MON1B: variants seen among roughly 807,000 people sequenced by gnomAD.
The protein encoded by MON1B is vacuolar fusion protein MON1 homolog B.
Under a neutral mutation model 45.1 loss-of-function variants are expected in MON1B, and 26 were observed. The ratio of observed to expected loss-of-function variants is 0.58; its 90% confidence interval spans 0.42 to 0.80. The LOEUF (loss-of-function observed/expected upper bound fraction) is 0.80. Ranked by LOEUF, MON1B falls within the 30% of genes least tolerant of loss-of-function variation. The pLI, the probability that MON1B is intolerant of heterozygous loss-of-function variation, is 0.00. For synonymous variants in MON1B, 395 were observed against 320.2 expected (o/e 1.23, Z -2.49); for missense variants, 737 against 754.5 (o/e 0.98, Z 0.27).
At position 77,201,393 on chromosome 16, in the gene MON1B, A is replaced by T. The variant is rs1210228380; in HGVS notation, c.*3085A>T. On this transcript the variant is annotated 3_prime_UTR_variant, in exon 6 of 6. Coordinates refer to ENST00000248248, the MANE Select transcript of MON1B (RefSeq NM_014940.4). ...TGACTAACTTCACCAGCAAAGGAAA[A>T]ATTGAAGGATGTATCAAGTTGCCAT... The T allele has an allele frequency of 3.3e-5, 5 of 152,224 alleles. No individual in the cohort carries two copies. Among genetic ancestry groups the T allele is most frequent in the Non-Finnish European group, 5.9e-5 (4 of 68,032 alleles). The allele number at this position is 152,224 out of a possible 1,614,324, so 9.4% of individuals were successfully genotyped here.
Position 77,199,371 on chromosome 16 carries a change from C to A in MON1B, c.*1063C>A. 1 of 1,425,584 alleles carries A rather than the reference C, an allele frequency of 7.0e-7. No individual in the cohort carries two copies. Among genetic ancestry groups the A allele is most frequent in the Non-Finnish European group, 9.6e-7 (1 of 1,037,892 alleles). The allele number at this position is 1,425,584 out of a possible 1,614,324, so 88.3% of individuals were successfully genotyped here. On this transcript the variant is annotated 3_prime_UTR_variant, in exon 6 of 6. Coordinates refer to ENST00000248248, the MANE Select transcript of MON1B (RefSeq NM_014940.4). ...TAACCGCGGGTTGCACGCATGCGTGCTGAAAAGCCTTTCACCCTCACGTGG... is the reference window on the plus strand; with the variant it reads ...TAACCGCGGGTTGCACGCATGCGTGATGAAAAGCCTTTCACCCTCACGTGG...
Position 77,194,242 on chromosome 16 carries a change from T to G in MON1B, c.476-93T>G. 8.8e-7 allele frequency: 1 copy of G among 1,135,252 alleles called. No individual in the cohort carries two copies. Among genetic ancestry groups the G allele is most frequent in the Non-Finnish European group, 1.3e-6 (1 of 757,964 alleles). 70.3% of individuals were successfully genotyped at this position (1,135,252 alleles called of 1,614,324 possible). A position where few individuals can be genotyped will look rare whatever the true frequency, so the allele number is the denominator to read the frequency against. ...AGCATGTGGACTCGGGCCTGGTGTG[T>G]GTATGGTAGGAGAGGGCAGAAGAGC... On this transcript the variant is annotated intron_variant, in intron 3 of 5. Transcript: ENST00000248248. This position sits in a 1 kb window ranked among gnomAD's most constrained non-coding sequence, Gnocchi z 8.1.
Position 77,193,832 on chromosome 16 carries a change from C to T in MON1B, c.475+55C>T, listed in dbSNP as rs1301124498. ...GGACAGTGACTGGGAATATGGCTGG[C>T]ACGGGTAGGTCTGTCTGCCTCAGGC... On this transcript the variant is annotated intron_variant, in intron 3 of 5. Coordinates refer to ENST00000248248, the MANE Select transcript of MON1B (RefSeq NM_014940.4). The surrounding 1 kb of genome is among the most constrained non-coding windows in gnomAD (Gnocchi z 5.0). 2.6e-6 allele frequency: 4 copies of T among 1,538,652 alleles called. No individual in the cohort carries two copies. The highest frequency in any genetic ancestry group is 2.7e-5 in the African/African-American group (2 of 73,940).
intron 4 of MON1B, 145 bp from the exon 5 acceptor site, chr16:77,195,390 A>T: frequency 8.6e-7 from 1 of 1,166,510 alleles, no homozygotes; most frequent in Non-Finnish European, 1.2e-6. Flanking sequence ...AGGGAAGGTC[A>T]GCCTCCAACC....
At chr16:77,191,352 T>C in intron 1 of MON1B, 94 bp downstream of exon 1, 1 of 1,564,764 alleles carries the variant, frequency 6.4e-7, no homozygotes, top group Admixed American at 1.8e-5. Flanking sequence ...ATTTTGGATG[T>C]CTCGTCCTAT....
At position 77,193,222 on chromosome 16, in the gene MON1B, T is replaced by A. The variant is rs1291516706; in HGVS notation, c.149-229T>A. The stretch of plus-strand genomic sequence containing the variant: ...GTCCAGTGGAATAACAATGAGAATA[T>A]GTTGGTTTATTAGGGTTTTAGGAAG... On this transcript the variant is annotated intron_variant, in intron 2 of 5. Coordinates refer to ENST00000248248, the MANE Select transcript of MON1B (RefSeq NM_014940.4). The surrounding 1 kb of genome is among the most constrained non-coding windows in gnomAD (Gnocchi z 5.0). Among the ~76,000 whole-genome samples, 3 of 152,146 alleles carry A rather than the reference T, an allele frequency of 2.0e-5. No individual in the cohort carries two copies. The highest frequency in any genetic ancestry group is 3.9e-4 in the East Asian group (2 of 5,180).
In MON1B at chr16:77,195,660, A is replaced by G. The variant is rs1398998188; in HGVS notation, c.1421A>G (p.Glu474Gly). ...CTGCGCCTCATTTACCACGTGGCTGAGAAGGAGACACTACTGGCCTGGGTA... is the reference window on the plus strand; with the variant it reads ...CTGCGCCTCATTTACCACGTGGCTGGGAAGGAGACACTACTGGCCTGGGTA... The part of the protein sequence containing the change: ...RPLRLIYHVA[E>G]KETLLAWVTS... Residue 474 changes from glutamate (E) to glycine (G), a missense_variant, in exon 5 of 6, where the codon GAG (glutamate) becomes GGG (glycine). Glu to Gly is a moderately conservative substitution (Grantham distance 98). Coordinates refer to ENST00000248248, the MANE Select transcript of MON1B (RefSeq NM_014940.4). 1.9e-6 allele frequency: 3 copies of G among 1,614,006 alleles called. No homozygotes were observed. The African/African-American group carries it at 4.0e-5, about 22-fold the overall frequency.
In MON1B at chr16:77,194,813, G is replaced by A. The variant is rs374699775; in HGVS notation, c.954G>A (p.Ala318=). The A allele has an allele frequency of 5.0e-5, 81 of 1,611,868 alleles. No individual in the cohort carries two copies. The highest frequency in any genetic ancestry group is 6.5e-5 in the Non-Finnish European group (77 of 1,180,006). The change falls in exon 4 of 6, where the codon GCG becomes GCA. Residue 318 remains alanine, a synonymous_variant. Coordinates refer to ENST00000248248, the MANE Select transcript of MON1B (RefSeq NM_014940.4). This position sits in a 1 kb window ranked among gnomAD's most constrained non-coding sequence, Gnocchi z 8.1. ...LDWVGAPAFA[A]GEAWAPVCLP... is the part of the protein sequence containing the mutation. Reference sequence around the variant, plus strand: ...GGGTGGGTGCACCAGCCTTTGCGGCGGGTGAGGCTTGGGCACCTGTGTGCC... The same window carrying A: ...GGGTGGGTGCACCAGCCTTTGCGGCAGGTGAGGCTTGGGCACCTGTGTGCC...
chr16:77,194,185 G>T lies in MON1B; in HGVS notation c.476-150G>T, dbSNP rs1463780174. 1.3e-6 allele frequency: 1 copy of T among 753,526 alleles called. No homozygotes were observed. Among genetic ancestry groups the T allele is most frequent in the East Asian group, 2.5e-5 (1 of 40,736 alleles). 46.7% of individuals were successfully genotyped at this position (753,526 alleles called of 1,614,324 possible). On this transcript the variant is annotated intron_variant, in intron 3 of 5. Coordinates refer to ENST00000248248, the MANE Select transcript of MON1B (RefSeq NM_014940.4). The surrounding 1 kb of genome is among the most constrained non-coding windows in gnomAD (Gnocchi z 8.1). The stretch of plus-strand genomic sequence containing the variant: ...GCAAATGTCCAGATTCCTCCAGCTT[G>T]TCCTTACCCCAGTCCAGGTGCCCAC...
At position 77,193,927 on chromosome 16, in the gene MON1B, G is replaced by T; in HGVS notation, c.475+150G>T. 4 of 791,002 alleles carry T rather than the reference G, an allele frequency of 5.1e-6. No homozygotes were observed. Among genetic ancestry groups the T allele is most frequent in the Middle Eastern group, 7.5e-4 (2 of 2,656 alleles). 49.0% of individuals were successfully genotyped at this position (791,002 alleles called of 1,614,324 possible). A position where few individuals can be genotyped will look rare whatever the true frequency, so the allele number is the denominator to read the frequency against. ...GCCAGAGCTCTGTCAGTGGCGGGAG[G>T]TGGGGGGGTTCATCTCTGTCTGGCC... is the stretch of plus-strand genomic sequence containing the variant. On this transcript the variant is annotated intron_variant, in intron 3 of 5. Transcript: ENST00000248248. The surrounding 1 kb of genome is among the most constrained non-coding windows in gnomAD (Gnocchi z 5.0).
chr16:77,192,847 C>T (rs1157195055), intron 2 of MON1B, among the ~76,000 whole-genome samples: 1 of 151,686 alleles, frequency 6.6e-6, no homozygotes. Flanking sequence ...TTAGGGGAGT[C>T]CTAAATATCT....
Position 77,201,085 on chromosome 16 carries a change from A to G in MON1B, c.*2777A>G, listed in dbSNP as rs1156981779. The G allele has an allele frequency of 6.6e-6, 1 of 152,232 alleles. No homozygotes were observed. Among genetic ancestry groups the G allele is most frequent in the Non-Finnish European group, 1.5e-5 (1 of 68,040 alleles). 9.4% of individuals were successfully genotyped at this position (152,232 alleles called of 1,614,324 possible). A position where few individuals can be genotyped will look rare whatever the true frequency, so the allele number is the denominator to read the frequency against. On this transcript the variant is annotated 3_prime_UTR_variant, in exon 6 of 6. Coordinates refer to ENST00000248248, the MANE Select transcript of MON1B (RefSeq NM_014940.4). ...GACCTAGGATGTGAGCTCCATGAGA[A>G]CAGAGACTGTTTACCTCTCGCTCCC...
rs201669108 is a variant in MON1B, at chr16:77,194,944, C to T, written c.1085C>T (p.Ala362Val). 655 of 1,613,782 alleles carry T rather than the reference C, an allele frequency of 4.1e-4. No individual in the cohort carries two copies. Among genetic ancestry groups the T allele is most frequent in the Middle Eastern group, 9.9e-4 (6 of 6,062 alleles). ...GGCACCCAACGTGAAGCCTTCCATG[C>T]CATGGCCGCCTGCCGGCGCCTGGTT... ...LLGTQREAFH[A>V]MAACRRLVED... Residue 362 changes from alanine (A) to valine (V), a missense_variant, in exon 4 of 6, where the codon GCC (alanine) becomes GTC (valine). Transcript: ENST00000248248. This position sits in a 1 kb window ranked among gnomAD's most constrained non-coding sequence, Gnocchi z 8.1.
chr16:77,199,534 C>T lies in MON1B; in HGVS notation c.*1226C>T. ...GAAGGTAGTGAGGGCAAGTGGGCTG[C>T]ACTCCTTTCTCTCCAACCAGGGCAG... On this transcript the variant is annotated 3_prime_UTR_variant, in exon 6 of 6. Transcript: ENST00000248248. 12 of 1,539,842 alleles carry T rather than the reference C, an allele frequency of 7.8e-6. No individual in the cohort carries two copies. The highest frequency in any genetic ancestry group is 1.1e-5 in the Non-Finnish European group (12 of 1,136,592).
chr16:77,199,579 C>A lies in MON1B; in HGVS notation c.*1271C>A. 1 of 1,199,934 alleles carries A rather than the reference C, an allele frequency of 8.3e-7. No individual in the cohort carries two copies. Among genetic ancestry groups the A allele is most frequent in the Non-Finnish European group, 1.2e-6 (1 of 851,164 alleles). 74.3% of individuals were successfully genotyped at this position (1,199,934 alleles called of 1,614,324 possible). A position where few individuals can be genotyped will look rare whatever the true frequency, so the allele number is the denominator to read the frequency against. ...GGGCAGAAAGGAGGGAGGATTCGTCCCATTACAATAATGAAATAATGATAT... is the reference window on the plus strand; with the variant it reads ...GGGCAGAAAGGAGGGAGGATTCGTCACATTACAATAATGAAATAATGATAT... On this transcript the variant is annotated 3_prime_UTR_variant, in exon 6 of 6. Transcript: ENST00000248248.
Position 77,193,827 on chromosome 16 carries a change from G to A in MON1B, c.475+50G>A. The A allele has an allele frequency of 1.9e-6, 3 of 1,551,042 alleles. No individual in the cohort carries two copies. Among genetic ancestry groups the A allele is most frequent in the Non-Finnish European group, 2.6e-6 (3 of 1,143,618 alleles). ...ATGGGGGACAGTGACTGGGAATATGGCTGGCACGGGTAGGTCTGTCTGCCT... is the reference window on the plus strand; with the variant it reads ...ATGGGGGACAGTGACTGGGAATATGACTGGCACGGGTAGGTCTGTCTGCCT... On this transcript the variant is annotated intron_variant, in intron 3 of 5. Transcript: ENST00000248248. The surrounding 1 kb of genome is among the most constrained non-coding windows in gnomAD (Gnocchi z 5.0).
intron 5 of MON1B, 122 bp from the exon 6 acceptor site, chr16:77,197,986 G>C: frequency 1.1e-6 from 1 of 938,460 alleles, no homozygotes; most frequent in Non-Finnish European, 1.7e-6. Context: ...GCACCTGGTA[G>C]GAGGTGCTGC....
chr16:77,192,186 C>T (rs2054621715), intron 2 of MON1B, among the ~76,000 whole-genome samples: 2 of 152,078 alleles, frequency 1.3e-5, no homozygotes, highest in East Asian at 3.9e-4. Context: ...GAAGTCTGTG[C>T]CATTGATCAC....
chr16:77,193,625 A>T lies in MON1B; in HGVS notation c.323A>T (p.Gln108Leu), dbSNP rs368320717. 5.0e-6 allele frequency: 8 copies of T among 1,614,122 alleles called. No individual in the cohort carries two copies. The highest frequency in any genetic ancestry group is 6.8e-6 in the Non-Finnish European group (8 of 1,179,968). Residue 108 changes from glutamine to leucine, a missense_variant, in exon 3 of 6, where the codon CAG (glutamine) becomes CTG (leucine). Coordinates refer to ENST00000248248, the MANE Select transcript of MON1B (RefSeq NM_014940.4). The surrounding 1 kb of genome is among the most constrained non-coding windows in gnomAD (Gnocchi z 5.0). ...CCCAGTGATGAGGAGTGGCGCAGCCAGCGGAAGCATGTGTTTGTGCTGAGT... is the reference window on the plus strand; with the variant it reads ...CCCAGTGATGAGGAGTGGCGCAGCCTGCGGAAGCATGTGTTTGTGCTGAGT... ...GDPSDEEWRS[Q>L]RKHVFVLSEA...
Sources: allele counts gnomAD v4.1 joint callset (sites outside exome capture counted in the v4.1 genomes callset), GRCh38; gene constraint gnomAD v4.1.1; non-coding constraint Gnocchi (gnomAD v3.1); transcripts MANE v1.5; gene names NCBI Gene and HGNC (gene_info 2026-07-23, HGNC 2026-07-21).